Variants in TGFBR3 observed in about 807,000 individuals in gnomAD.
TGFBR3 encodes the protein transforming growth factor beta receptor type 3.
TGFBR3 carries 46 observed loss-of-function variants against 87.9 expected under a neutral mutation model. That is an observed-to-expected ratio of 0.52 (90% CI 0.41 to 0.67). The LOEUF is 0.67. Among genes scored for constraint, TGFBR3 ranks in the 30% least tolerant of loss-of-function variants. The probability of loss-of-function intolerance (pLI) is 0.00; values close to 1 mark genes in which losing one functional copy is unlikely to be tolerated. For synonymous variants in TGFBR3, 381 were observed against 391.6 expected (o/e 0.97, Z 0.32); for missense variants, 866 against 1,041.9 (o/e 0.83, Z 2.32).
chr1:91,841,083 T>C (rs1056323225), intron 2 of TGFBR3, among the ~76,000 whole-genome samples: 10 of 152,202 alleles, frequency 6.6e-5, no homozygotes, highest in African/African-American at 2.4e-4. Context: ...AGTGCTGGGA[T>C]TACAGGTGTG....
intron 2 of TGFBR3, among the ~76,000 whole-genome samples, chr1:91,830,787 G>C (rs753620840): frequency 4.6e-5 from 7 of 152,138 alleles, no homozygotes; most frequent in Non-Finnish European, 1.0e-4. Context: ...CCAGAGCAGT[G>C]AGAGGGCACA....
chr1:91,780,870 T>G (rs976311312), intron 3 of TGFBR3, among the ~76,000 whole-genome samples: 1 of 146,618 alleles, frequency 6.8e-6, no homozygotes, highest in African/African-American at 2.6e-5. Context: ...CCTAAGGCTT[T>G]TAAACTAGAG....
chr1:91,690,256 C>T (rs1671222194), intron 16 of TGFBR3, among the ~76,000 whole-genome samples: 1 of 152,096 alleles, frequency 6.6e-6, no homozygotes, highest in African/African-American at 2.4e-5. Context: ...TACATTTCCT[C>T]CCTCGCTCCA....
In TGFBR3 at chr1:91,819,398, A is replaced by C. The variant is rs145860437; in HGVS notation, c.62-21927T>G. ...AAAAAAAAATCCCGACCATCATCCC[A>C]CTCCACTGACCTTGTAAGCGAGGCC... On this transcript the variant is annotated intron_variant, in intron 2 of 16. Coordinates refer to ENST00000212355, the MANE Select transcript of TGFBR3 (RefSeq NM_003243.5). Among the ~76,000 whole-genome samples, 1,118 of 151,178 alleles carry C rather than the reference A, an allele frequency of 7.4e-3. 16 individuals carry two copies. Among genetic ancestry groups the C allele is most frequent in the African/African-American group, 0.026 (1,056 of 41,192 alleles).
intron 3 of TGFBR3, among the ~76,000 whole-genome samples, chr1:91,797,067 A>T (rs922489005): frequency 2.6e-5 from 4 of 152,066 alleles, no homozygotes; most frequent in Non-Finnish European, 5.9e-5. Context: ...TTTTTTTCCA[A>T]TACGGAGGGC....
At chr1:91,778,835 A>T (rs6604052) in intron 3 of TGFBR3, among the ~76,000 whole-genome samples, 1 of 152,052 alleles carries the variant, frequency 6.6e-6, no homozygotes, top group Non-Finnish European at 1.5e-5. Context: ...TATAAGTTAC[A>T]TTTTAAAGTA....
intron 3 of TGFBR3, among the ~76,000 whole-genome samples, chr1:91,787,943 G>GGA (rs945269870): frequency 6.8e-5 from 9 of 133,310 alleles, no homozygotes; most frequent in African/African-American, 2.8e-4. Flanking sequence ...GTCTCACGGG[G>GGA]AAAAAAAAAA....
chr1:91,807,172 A>C (rs993487470), intron 2 of TGFBR3, among the ~76,000 whole-genome samples: 8 of 152,232 alleles, frequency 5.3e-5, no homozygotes, highest in African/African-American at 1.9e-4. Context: ...TACCACCATT[A>C]AACTCCAAAG....
intron 16 of TGFBR3, among the ~76,000 whole-genome samples, chr1:91,693,568 G>A (rs1187058698): frequency 6.6e-6 from 1 of 152,112 alleles, no homozygotes; most frequent in Non-Finnish European, 1.5e-5. Flanking sequence ...ATTATTGGGG[G>A]GATTTCAGTG....
intron 5 of TGFBR3, among the ~76,000 whole-genome samples, chr1:91,733,497 C>T (rs1160665776): frequency 1.3e-5 from 2 of 152,198 alleles, no homozygotes; most frequent in African/African-American, 4.8e-5. Flanking sequence ...CTGTCTCTCA[C>T]ACACTTTAAA....
chr1:91,733,706 G>C (rs2100821359), intron 5 of TGFBR3, among the ~76,000 whole-genome samples: 1 of 152,172 alleles, frequency 6.6e-6, no homozygotes, highest in South Asian at 2.1e-4. Context: ...TAACTTATGG[G>C]GGTTCCAAAT....
rs558245113 is a variant in TGFBR3 at position 91,686,682 on chromosome 1, G to A, written c.2438-2825C>T. Reference sequence around the variant, plus strand: ...GAGGAAGAAAGTTGAATGTACAGATGCTTCTACTTAATGGGCCAACAGAGA... The same window carrying A: ...GAGGAAGAAAGTTGAATGTACAGATACTTCTACTTAATGGGCCAACAGAGA... On this transcript the variant is annotated intron_variant, in intron 16 of 16. Transcript: ENST00000212355. 8.5e-5 allele frequency among the ~76,000 whole-genome samples: 13 copies of A among 152,324 alleles called. No homozygotes were observed. In the South Asian group the frequency reaches 2.7e-3, roughly 32 times the overall value.
intron 3 of TGFBR3, among the ~76,000 whole-genome samples, 164 bp from the exon 4 acceptor site, chr1:91,758,914 T>C (rs1425706407): frequency 6.6e-6 from 1 of 152,244 alleles, no homozygotes; most frequent in Non-Finnish European, 1.5e-5. Context: ...AACCAGATGA[T>C]ATTGCCAATA....
chr1:91,800,412 G>A (rs769044586), intron 2 of TGFBR3, among the ~76,000 whole-genome samples: 1 of 150,694 alleles, frequency 6.6e-6, no homozygotes, highest in Admixed American at 6.6e-5. Flanking sequence ...GGGAGGCAAA[G>A]GTGGGAGAAT....
chr1:91,686,334 T>C (rs571652431), intron 16 of TGFBR3, among the ~76,000 whole-genome samples: 2 of 152,306 alleles, frequency 1.3e-5, no homozygotes, highest in East Asian at 3.9e-4. Context: ...TGCAAAACAC[T>C]TCAAAACAAA....
intron 4 of TGFBR3, among the ~76,000 whole-genome samples, chr1:91,742,056 C>T (rs1291734027): frequency 6.6e-6 from 1 of 152,136 alleles, no homozygotes; most frequent in Non-Finnish European, 1.5e-5. Context: ...ACTCCTGGGT[C>T]TTTTTACACC....
At chr1:91,702,776 G>T (rs535777467) in intron 14 of TGFBR3, among the ~76,000 whole-genome samples, 1 of 152,148 alleles carries the variant, frequency 6.6e-6, no homozygotes, top group African/African-American at 2.4e-5. Context: ...CGGGAGCGGT[G>T]GCTCAGGCCT....
chr1:91,711,443 CATT>C (rs1207782727), intron 13 of TGFBR3, among the ~76,000 whole-genome samples: 5 of 152,176 alleles, frequency 3.3e-5, no homozygotes, highest in Non-Finnish European at 7.3e-5. Context: ...TCCATACATA[CATT>C]ATTAATAACA....
intron 11 of TGFBR3, 41 bp downstream of exon 11, chr1:91,716,523 TAGAC>T: frequency 6.2e-7 from 1 of 1,614,108 alleles, no homozygotes; most frequent in South Asian, 1.1e-5. Flanking sequence ...GCCAACAAAA[TAGAC>T]AGCATTTTCC....
Sources: gnomAD v4.1 joint callset for allele counts (sites outside exome capture counted in the v4.1 genomes callset) on GRCh38, gnomAD v4.1.1 for gene constraint, MANE v1.5 for transcripts, NCBI Gene and HGNC (gene_info 2026-07-23, HGNC 2026-07-21) for gene names.